The following PCDH15 variants were observed in gnomAD, a reference collection of about 807,000 sequenced individuals.
The protein encoded by PCDH15 is protocadherin-15.
Under a neutral mutation model 178.5 loss-of-function variants are expected in PCDH15, and 129 were observed. That is an observed-to-expected ratio of 0.72 (90% confidence interval 0.63 to 0.84). The LOEUF (loss-of-function observed/expected upper bound fraction) is 0.84. Among genes scored for constraint, PCDH15 ranks in the 40% least tolerant of loss-of-function variants. The probability of loss-of-function intolerance (pLI) is 0.00; values close to 1 mark genes in which losing one functional copy is unlikely to be tolerated. For missense variants in PCDH15, 2,230 were observed against 2,099.9 expected (o/e 1.06, Z -1.21); for synonymous variants, 800 against 732.0 (o/e 1.09, Z -1.50).
At chr10:55,410,611 C>A (rs1838308337) in intron 2 of PCDH15, among the ~76,000 whole-genome samples, 1 of 151,952 alleles carries the variant, frequency 6.6e-6, no homozygotes, top group Admixed American at 6.6e-5. Flanking sequence ...GGAAGAAATC[C>A]CAGATAATAC....
chr10:55,571,869 A>C (rs969878079), intron 2 of PCDH15, among the ~76,000 whole-genome samples: 1 of 152,048 alleles, frequency 6.6e-6, no homozygotes, highest in Non-Finnish European at 1.5e-5. Context: ...ATACTTTATC[A>C]TCGTATGCAC....
At chr10:54,062,025 GATCAGCCTGGCCAA>G (rs1416116407) in intron 18 of PCDH15, among the ~76,000 whole-genome samples, 1 of 151,904 alleles carries the variant, frequency 6.6e-6, no homozygotes, top group Non-Finnish European at 1.5e-5. Context: ...AGAAGTTCAA[GATCAGCCTGGCCAA>G]CATGGCACAA....
intron 1 of PCDH15, among the ~76,000 whole-genome samples, chr10:55,283,543 C>G (rs1180024770): frequency 6.6e-6 from 1 of 151,738 alleles, no homozygotes; most frequent in Non-Finnish European, 1.5e-5. Flanking sequence ...GTTACAGACA[C>G]AGCTTCTTTC....
intron 2 of PCDH15, among the ~76,000 whole-genome samples, chr10:54,588,055 C>T (rs2091623394): frequency 6.6e-6 from 1 of 152,064 alleles, no homozygotes; most frequent in Admixed American, 6.6e-5. Context: ...TTAAGATAAA[C>T]TTGCATGATT....
intron 2 of PCDH15, among the ~76,000 whole-genome samples, chr10:55,355,049 T>C (rs902605957): frequency 1.3e-5 from 2 of 152,062 alleles, no homozygotes; most frequent in African/African-American, 4.8e-5. Flanking sequence ...GAGAATGCCT[T>C]TGAGGTTTAC....
intron 2 of PCDH15, among the ~76,000 whole-genome samples, chr10:55,353,133 T>A (rs1355306021): frequency 6.6e-6 from 1 of 152,124 alleles, no homozygotes; most frequent in East Asian, 1.9e-4. Context: ...TCTTCAAGCA[T>A]CTCTACAACT....
intron 25 of PCDH15, among the ~76,000 whole-genome samples, chr10:53,924,102 C>T (rs1248844688): frequency 3.3e-5 from 5 of 152,198 alleles, no homozygotes; most frequent in Admixed American, 3.3e-4. Flanking sequence ...GCCCTTCAGC[C>T]CGCGGCTGCA....
At chr10:55,138,042 GTTT>G (rs1307245094) in intron 2 of PCDH15, among the ~76,000 whole-genome samples, 8 of 152,096 alleles carry the variant, frequency 5.3e-5, no homozygotes, top group African/African-American at 1.9e-4. Flanking sequence ...ATGCAGGTAA[GTTT>G]TGCTAGTTAG....
intron 2 of PCDH15, among the ~76,000 whole-genome samples, chr10:55,461,908 G>T (rs1021652309): frequency 3.3e-5 from 5 of 152,020 alleles, no homozygotes; most frequent in Non-Finnish European, 1.5e-5. Flanking sequence ...TGTCTCTAAT[G>T]AAGCATTCAC....
intron 29 of PCDH15, among the ~76,000 whole-genome samples, chr10:53,834,520 T>TG (rs796274068): frequency 9.8e-6 from 1 of 102,160 alleles, no homozygotes; most frequent in African/African-American, 3.4e-5. Flanking sequence ...AGAAATGTGT[T>TG]TTTTTTTTTT....
chr10:54,864,233 A>G (rs1953896519), intron 3 of PCDH15, among the ~76,000 whole-genome samples: 1 of 152,168 alleles, frequency 6.6e-6, no homozygotes, highest in African/African-American at 2.4e-5. Context: ...CAGTGACCAT[A>G]ATAATAAGAG....
At chr10:54,969,278 C>T (rs1838872670) in intron 2 of PCDH15, among the ~76,000 whole-genome samples, 1 of 152,002 alleles carries the variant, frequency 6.6e-6, no homozygotes, top group Non-Finnish European at 1.5e-5. Flanking sequence ...TTTGGTATGG[C>T]TTTTTTTATT....
At chr10:54,108,911 A>G (rs551314105) in intron 15 of PCDH15, among the ~76,000 whole-genome samples, 1 of 152,266 alleles carries the variant, frequency 6.6e-6, no homozygotes, top group East Asian at 1.9e-4. Flanking sequence ...CTCTGCCTTG[A>G]AGAGAAGAAC....
At chr10:55,401,765 G>A (rs189885802) in intron 2 of PCDH15, among the ~76,000 whole-genome samples, 31 of 151,978 alleles carry the variant, frequency 2.0e-4, no homozygotes, top group African/African-American at 6.7e-4. Context: ...CATTTAATAT[G>A]CATTATACAT....
chr10:55,073,693 AT>A (rs1029376419), intron 2 of PCDH15, among the ~76,000 whole-genome samples: 1 of 151,972 alleles, frequency 6.6e-6, no homozygotes, highest in Non-Finnish European at 1.5e-5. Flanking sequence ...CCCCTCTTCA[AT>A]TTTTTATAAT....
intron 2 of PCDH15, among the ~76,000 whole-genome samples, chr10:55,459,309 CTTCA>C (rs1483298935): frequency 2.0e-5 from 3 of 150,608 alleles, no homozygotes. Context: ...TGTGTAGCTA[CTTCA>C]TTCCTAGGAA....
chr10:54,672,310 G>A (rs2094690079), intron 1 of PCDH15, among the ~76,000 whole-genome samples: 1 of 151,984 alleles, frequency 6.6e-6, no homozygotes, highest in Non-Finnish European at 1.5e-5. Flanking sequence ...CCCCAGGTCG[G>A]TGGAAATTTA....
intron 2 of PCDH15, among the ~76,000 whole-genome samples, chr10:55,099,702 C>T (rs1842531061): frequency 6.6e-6 from 1 of 151,842 alleles, no homozygotes; most frequent in East Asian, 1.9e-4. Flanking sequence ...GTGAAATTTT[C>T]TGTTCATGAA....
intron 3 of PCDH15, among the ~76,000 whole-genome samples, chr10:54,442,414 C>CTATATATATATA (rs71007859): frequency 3.6e-4 from 7 of 19,190 alleles, no homozygotes; most frequent in African/African-American, 4.1e-4. Flanking sequence ...GCCTTAAAGG[C>CTATATATATATA]TATATATATA....
Sources: gnomAD v4.1 joint callset for allele counts (sites outside exome capture counted in the v4.1 genomes callset) on GRCh38, gnomAD v4.1.1 for gene constraint, MANE v1.5 for transcripts, NCBI Gene and HGNC (gene_info 2026-07-23, HGNC 2026-07-21) for gene names.